Variants in ADGRL2 observed in about 807,000 individuals in gnomAD.
The protein encoded by ADGRL2 is adhesion G protein-coupled receptor L2, also known as calcium-independent alpha-latrotoxin receptor 2.
ADGRL2 carries 44 observed loss-of-function variants against 157.4 expected under a neutral mutation model. The ratio of observed to expected loss-of-function variants is 0.28; its 90% CI spans 0.22 to 0.36. The LOEUF is 0.36. ADGRL2 is among the 10% of genes least tolerant of loss of function. ADGRL2 has a pLI of 1.00. For missense variants in ADGRL2, 1,510 were observed against 1,768.9 expected (o/e 0.85, Z 2.63); for synonymous variants, 585 against 624.7 (o/e 0.94, Z 0.95).
chr1:81,470,363 C>T (rs1388143172), intron 2 of ADGRL2, among the ~76,000 whole-genome samples: 2 of 152,098 alleles, frequency 1.3e-5, no homozygotes, highest in Non-Finnish European at 2.9e-5. Context: ...TGCTTCTATC[C>T]CCCGGTGCTC....
intron 2 of ADGRL2, among the ~76,000 whole-genome samples, chr1:81,491,227 TTAAA>T (rs1451052497): frequency 6.6e-6 from 1 of 152,220 alleles, no homozygotes; most frequent in Non-Finnish European, 1.5e-5. Context: ...AGGATTTCAT[TTAAA>T]TAAAGCTCTA....
intron 1 of ADGRL2, among the ~76,000 whole-genome samples, chr1:81,712,138 G>A (rs1249000016): frequency 6.6e-6 from 1 of 151,950 alleles, no homozygotes; most frequent in East Asian, 1.9e-4. Flanking sequence ...TTTCTATATG[G>A]CAACTGGATT....
At chr1:81,985,529 T>G (rs1039242009) in intron 21 of ADGRL2, 174 bp downstream of exon 21, 2 of 410,780 alleles carry the variant, frequency 4.9e-6, no homozygotes, top group Non-Finnish European at 8.8e-6. Context: ...TCCTAGGGAG[T>G]ACAGATTTAT....
chr1:81,616,674 C>CTTTTTT (rs1393879384), intron 3 of ADGRL2, among the ~76,000 whole-genome samples: 2 of 51,870 alleles, frequency 3.9e-5, no homozygotes, highest in African/African-American at 1.3e-4. Context: ...CTTTTCTTTT[C>CTTTTTT]TTTTCTTTTT....
chr1:81,574,540 GGCA>G, intron 2 of ADGRL2, among the ~76,000 whole-genome samples: 1 of 152,066 alleles, frequency 6.6e-6, no homozygotes, highest in Non-Finnish European at 1.5e-5. Flanking sequence ...CACTTTATTT[GGCA>G]CCAAATAAAG....
At chr1:81,920,417 A>G (rs1486724837) in intron 3 of ADGRL2, among the ~76,000 whole-genome samples, 1 of 152,074 alleles carries the variant, frequency 6.6e-6, no homozygotes, top group Non-Finnish European at 1.5e-5. Context: ...AGGATCAGGC[A>G]CTGTTTCTCC....
At chr1:81,785,100 G>A (rs1476118096) in intron 2 of ADGRL2, among the ~76,000 whole-genome samples, 2 of 152,076 alleles carry the variant, frequency 1.3e-5, no homozygotes, top group Non-Finnish European at 2.9e-5. Flanking sequence ...TAGTTTCCAG[G>A]TTGTACAGGG....
intron 2 of ADGRL2, among the ~76,000 whole-genome samples, chr1:81,892,642 G>A (rs72717791): frequency 0.2 from 30,141 of 152,042 alleles, 3,668 homozygotes; most frequent in Non-Finnish European, 0.26. Flanking sequence ...TGGCTAGATG[G>A]TAAATTTTTT....
intron 2 of ADGRL2, among the ~76,000 whole-genome samples, chr1:81,525,817 A>G (rs1044412780): frequency 3.3e-5 from 5 of 151,688 alleles, no homozygotes; most frequent in Admixed American, 6.5e-5. Context: ...ACTGGCTTAA[A>G]TGTTCTACCT....
chr1:81,316,989 G>C (rs1557590832), intron 1 of ADGRL2, among the ~76,000 whole-genome samples: 1 of 152,158 alleles, frequency 6.6e-6, no homozygotes, highest in Non-Finnish European at 1.5e-5. Context: ...AGTTATCCTA[G>C]TGTCCAATGC....
intron 9 of ADGRL2, 112 bp downstream of exon 9, chr1:81,952,254 A>C: frequency 1.3e-6 from 1 of 743,560 alleles, no homozygotes; most frequent in Non-Finnish European, 2.0e-6. Context: ...ACTTAGAAGC[A>C]AAATTTCTAA....
rs139193755 is a variant in ADGRL2, at chr1:81,748,264, G to A, written c.-142-13547G>A. On this transcript the variant is annotated intron_variant, in intron 1 of 20. Coordinates refer to the ADGRL2 transcript ENST00000359929. ...GAGGCCAAGATGGACAGATCACGAG[G>A]TCAAGAGATCGAGACCATCCTGGCC... Among the ~76,000 whole-genome samples the A allele has an allele frequency of 7.2e-4, 109 of 151,962 alleles. 1 individual carries two copies. The East Asian group carries it at 0.02, about 28-fold the overall frequency.
At chr1:81,578,842 C>T (rs2148528653) in intron 2 of ADGRL2, among the ~76,000 whole-genome samples, 2 of 152,192 alleles carry the variant, frequency 1.3e-5, no homozygotes, top group African/African-American at 4.8e-5. Context: ...GTAGTTCCCC[C>T]CGAAGCACAA....
chr1:81,415,712 G>T (rs2077020671), intron 1 of ADGRL2, among the ~76,000 whole-genome samples: 1 of 152,176 alleles, frequency 6.6e-6, no homozygotes, highest in Non-Finnish European at 1.5e-5. Flanking sequence ...ATAAAAAGGA[G>T]AATGTTTCCT....
chr1:81,394,879 T>TTTTTTTTA (rs2076626953), intron 1 of ADGRL2, among the ~76,000 whole-genome samples: 1 of 143,184 alleles, frequency 7.0e-6, no homozygotes, highest in African/African-American at 2.6e-5. Context: ...TGTCTCTCTT[T>TTTTTTTTA]TTTATTTATT....
chr1:81,959,889 C>G (rs1231308670), intron 11 of ADGRL2, among the ~76,000 whole-genome samples: 1 of 151,790 alleles, frequency 6.6e-6, no homozygotes, highest in Non-Finnish European at 1.5e-5. Flanking sequence ...CAGCCTCCGC[C>G]TCCTGGGTTC....
intron 2 of ADGRL2, among the ~76,000 whole-genome samples, chr1:81,773,461 C>G (rs1186661783): frequency 6.6e-6 from 1 of 152,112 alleles, no homozygotes; most frequent in African/African-American, 2.4e-5. Context: ...CTTGCCTTGA[C>G]TAGAGTGTAC....
intron 3 of ADGRL2, among the ~76,000 whole-genome samples, chr1:81,648,261 G>C (rs1176813905): frequency 1.3e-5 from 2 of 152,132 alleles, no homozygotes; most frequent in Non-Finnish European, 2.9e-5. Context: ...CCAACACAGA[G>C]GATTAGAACC....
intron 1 of ADGRL2, among the ~76,000 whole-genome samples, chr1:81,754,393 C>A (rs758714283): frequency 4.6e-5 from 7 of 151,266 alleles, no homozygotes; most frequent in Non-Finnish European, 8.8e-5. Flanking sequence ...CTAAATGAGA[C>A]AACGCGTGAG....
Sources: gnomAD v4.1 joint callset for allele counts (sites outside exome capture counted in the v4.1 genomes callset) on GRCh38, gnomAD v4.1.1 for gene constraint, MANE v1.5 for transcripts, NCBI Gene and HGNC (gene_info 2026-07-23, HGNC 2026-07-21) for gene names.